Variants in KAZN observed in about 807,000 individuals in gnomAD.
KAZN encodes the protein kazrin.
KAZN carries 40 observed loss-of-function variants against 87.4 expected under a neutral mutation model. The observed-to-expected ratio is 0.46, with a 90% CI of 0.36 to 0.60. KAZN has a LOEUF of 0.60. Among genes scored for constraint, KAZN ranks in the 20% least tolerant of loss-of-function variants. The pLI is 0.00. For missense variants in KAZN, 898 were observed against 1,073.9 expected (o/e 0.84, Z 2.29); for synonymous variants, 466 against 458.3 (o/e 1.02, Z -0.22).
chr1:14,827,882 G>A lies in KAZN; in HGVS notation c.227-132802G>A, dbSNP rs551424389. 7.9e-5 allele frequency among the ~76,000 whole-genome samples: 12 copies of A among 152,282 alleles called. No homozygotes were observed. In the South Asian group the frequency reaches 2.3e-3, roughly 29 times the overall value. On this transcript the variant is annotated intron_variant, in intron 1 of 14. Transcript: ENST00000376030. ...ACTTGGGGTTTCACATGTTGTCATA[G>A]GAAACCCTAGAAATAGACTGGGGTT...
chr1:14,206,309 C>T (rs1175438065), intron 2 of KAZN, among the ~76,000 whole-genome samples: 1 of 152,090 alleles, frequency 6.6e-6, no homozygotes, highest in African/African-American at 2.4e-5. Flanking sequence ...AGAACAGAAA[C>T]AGAATAATTG....
chr1:14,770,579 C>T (rs1205360550), intron 1 of KAZN, among the ~76,000 whole-genome samples: 1 of 152,034 alleles, frequency 6.6e-6, no homozygotes, highest in African/African-American at 2.4e-5. Flanking sequence ...GAATATCTTC[C>T]CCAGGGCCAT....
intron 14 of KAZN, 172 bp downstream of exon 14, chr1:15,112,713 G>A: frequency 3.8e-6 from 2 of 521,582 alleles, no homozygotes; most frequent in Non-Finnish European, 7.1e-6. Context: ...GAACCTTCAC[G>A]ATGCTTTGGG....
intron 1 of KAZN, among the ~76,000 whole-genome samples, chr1:14,617,756 C>T (rs1208396012): frequency 1.3e-5 from 2 of 152,188 alleles, no homozygotes; most frequent in Non-Finnish European, 2.9e-5. Context: ...GGAGTGACAA[C>T]ACGACCATTT....
chr1:14,401,761 CATT>C (rs1663428410), intron 2 of KAZN, among the ~76,000 whole-genome samples: 1 of 151,954 alleles, frequency 6.6e-6, no homozygotes, highest in East Asian at 1.9e-4. Context: ...AAAATAATAT[CATT>C]AGTTCAGTAG....
chr1:14,186,118 T>G (rs1051020976), intron 2 of KAZN, among the ~76,000 whole-genome samples: 3 of 152,180 alleles, frequency 2.0e-5, no homozygotes, highest in South Asian at 2.1e-4. Flanking sequence ...AATTTGTTGG[T>G]GCAAAACTTC....
intron 2 of KAZN, among the ~76,000 whole-genome samples, chr1:14,588,228 A>G (rs1675976138): frequency 6.6e-6 from 1 of 152,156 alleles, no homozygotes. Context: ...CAGCACTTTC[A>G]AGCAAATCTG....
intron 1 of KAZN, among the ~76,000 whole-genome samples, chr1:14,105,015 T>C (rs1354877615): frequency 6.6e-6 from 1 of 152,036 alleles, no homozygotes; most frequent in African/African-American, 2.4e-5. Context: ...CTGTGGAGGG[T>C]GGTCTTGTTG....
At chr1:14,379,905 G>C (rs144542205) in intron 2 of KAZN, among the ~76,000 whole-genome samples, 1 of 152,268 alleles carries the variant, frequency 6.6e-6, no homozygotes, top group African/African-American at 2.4e-5. Flanking sequence ...AGTGGTTATA[G>C]TGGGCCTTAG....
Position 14,863,355 on chromosome 1 carries a change from C to T in KAZN, c.227-97329C>T, listed in dbSNP as rs567452484. On this transcript the variant is annotated intron_variant, in intron 1 of 14. Coordinates refer to ENST00000376030, the MANE Select transcript of KAZN (RefSeq NM_201628.3). The stretch of plus-strand genomic sequence containing the variant: ...CCATCGGGGCAGCAGACACTCTGTC[C>T]CTCCGGGGGATGCCAGGTTTCTGCT... 9.2e-5 allele frequency among the ~76,000 whole-genome samples: 14 copies of T among 152,284 alleles called. No homozygotes were observed. In the East Asian group the frequency reaches 2.7e-3, roughly 30 times the overall value.
intron 2 of KAZN, among the ~76,000 whole-genome samples, chr1:14,453,126 T>A (rs984621804): frequency 6.6e-6 from 1 of 152,056 alleles, no homozygotes; most frequent in African/African-American, 2.4e-5. Context: ...TGGCTAATTT[T>A]TTGTATATTT....
At chr1:13,958,073 A>G (rs1403974400) in intron 1 of KAZN, among the ~76,000 whole-genome samples, 1 of 152,192 alleles carries the variant, frequency 6.6e-6, no homozygotes, top group African/African-American at 2.4e-5. Context: ...TCATTCATAT[A>G]TTTATTAAGC....
chr1:14,666,885 G>A lies in KAZN; in HGVS notation c.226+67662G>A, dbSNP rs150890830. 5.6e-3 allele frequency among the ~76,000 whole-genome samples: 849 copies of A among 152,188 alleles called. 8 individuals are homozygous for A. The highest frequency in any genetic ancestry group is 0.019 in the African/African-American group (782 of 41,518). On this transcript the variant is annotated intron_variant, in intron 1 of 14. Transcript: ENST00000376030. ...CGAGTAGCTGGGACTACAGGCGTGC[G>A]CCACCACACCCAGCTAATTTTTGTA...
intron 2 of KAZN, among the ~76,000 whole-genome samples, chr1:14,376,814 T>C (rs1403970663): frequency 6.6e-6 from 1 of 152,194 alleles, no homozygotes; most frequent in African/African-American, 2.4e-5. Context: ...GACAAGCAGA[T>C]TAGTCATAGT....
At chr1:14,854,521 G>A (rs895817806) in intron 1 of KAZN, among the ~76,000 whole-genome samples, 4 of 152,150 alleles carry the variant, frequency 2.6e-5, no homozygotes, top group African/African-American at 9.7e-5. Flanking sequence ...GGTCAAAGGG[G>A]ATGCAGACCC....
chr1:14,215,278 C>T (rs902952711), intron 2 of KAZN, among the ~76,000 whole-genome samples: 1 of 152,166 alleles, frequency 6.6e-6, no homozygotes, highest in Non-Finnish European at 1.5e-5. Context: ...ATTGTCATTA[C>T]AGGTTATTCA....
chr1:14,143,530 C>G (rs1423913903), intron 1 of KAZN, among the ~76,000 whole-genome samples: 1 of 152,156 alleles, frequency 6.6e-6, no homozygotes, highest in Admixed American at 6.5e-5. Context: ...ACTTCTCCCC[C>G]ACTTACTTCC....
intron 1 of KAZN, among the ~76,000 whole-genome samples, chr1:14,016,183 C>T (rs565974769): frequency 6.6e-6 from 1 of 152,096 alleles, no homozygotes; most frequent in Non-Finnish European, 1.5e-5. Flanking sequence ...CGAAGCATTG[C>T]CAAAGCCTGG....
chr1:15,021,686 C>G lies in KAZN; in HGVS notation c.419-13063C>G, dbSNP rs769440356. Among the ~76,000 whole-genome samples the G allele has an allele frequency of 3.3e-5, 5 of 152,188 alleles. No individual in the cohort carries two copies. Among genetic ancestry groups the G allele is most frequent in the Non-Finnish European group, 5.9e-5 (4 of 68,030 alleles). ...CCTGCGTGCAGTTAGCACCCTGAAGCCTGCAGAGGGCCCCTGTGGCTCCCT... is the reference window on the plus strand; with the variant it reads ...CCTGCGTGCAGTTAGCACCCTGAAGGCTGCAGAGGGCCCCTGTGGCTCCCT... On this transcript the variant is annotated intron_variant, in intron 2 of 14. Transcript: ENST00000376030. This position sits in a 1 kb window ranked among gnomAD's most constrained non-coding sequence, Gnocchi z 4.2.
Sources: gnomAD v4.1 joint callset for allele counts (sites outside exome capture counted in the v4.1 genomes callset) on GRCh38, gnomAD v4.1.1 for gene constraint, Gnocchi (gnomAD v3.1) non-coding constraint, MANE v1.5 for transcripts, NCBI Gene and HGNC (gene_info 2026-07-23, HGNC 2026-07-21) for gene names.